Variants in FAM83E observed in about 807,000 individuals in gnomAD.
FAM83E encodes the protein scaffolding CK1 anchoring protein E, also known as protein FAM83E.
FAM83E carries 29 observed loss-of-function variants against 34.3 expected under a neutral mutation model. That is an observed-to-expected ratio of 0.85 (90% confidence interval 0.63 to 1.15). The LOEUF is 1.15. Among genes scored for constraint, FAM83E ranks in the 50% most tolerant of loss-of-function variants. The pLI, the probability that FAM83E is intolerant of heterozygous loss-of-function variation, is 0.00. For missense variants in FAM83E, 697 were observed against 685.0 expected, an observed-to-expected ratio of 1.02 and a Z score of -0.20; for synonymous variants, 312 against 311.6, an observed-to-expected ratio of 1.00 and a Z score of -0.01.
chr19:48,608,100 C>T (rs1973968792), intron 5 of FAM83E, among the ~76,000 whole-genome samples: 2 of 152,064 alleles, frequency 1.3e-5, no homozygotes, highest in Admixed American at 1.3e-4. Flanking sequence ...GGTCCAAAAG[C>T]TGTGTATTGT....
rs772729508 is a variant in FAM83E at position 48,601,234 on chromosome 19, G to A, written c.1312C>T (p.Arg438Cys). The change falls in exon 7 of 7, where the codon CGC becomes TGC. Residue 438 changes from arginine to cysteine, a missense_variant. Arg to Cys is a radical substitution (Grantham distance 180). Coordinates refer to ENST00000263266, the MANE Select transcript of FAM83E (RefSeq NM_017708.4). ...GGALPLPPAH[R>C]LRYLSPARRR... is the part of the protein sequence containing the mutation. ...CGGGCTGGGGACAGATAGCGGAGGC[G>A]GTGGGCGGGGGGCAGGGGCAGGGCA... 1.6e-5 allele frequency: 26 copies of A among 1,606,868 alleles called. No homozygotes were observed. Among genetic ancestry groups the A allele is most frequent in the African/African-American group, 4.0e-5 (3 of 74,788 alleles).
Position 48,606,972 on chromosome 19 carries a change from G to C in FAM83E, c.758+2904C>G, listed in dbSNP as rs577624139. 1.9e-6 allele frequency: 3 copies of C among 1,602,114 alleles called. No individual in the cohort carries two copies. The East Asian group carries it at 6.7e-5, about 36-fold the overall frequency. ...GGCTGGGGCAGGGTCAACGCCGCCA[G>C]GCCGCCATGGTCCTGTGCTGGCTGC... is the stretch of plus-strand genomic sequence containing the variant. On this transcript the variant is annotated intron_variant, in intron 5 of 6. Transcript: ENST00000263266.
rs1361130146 is a variant in FAM83E, at chr19:48,602,702, AAAATATATATATATAT to A, written c.1176+776_1176+791del. 9.6e-4 allele frequency among the ~76,000 whole-genome samples: 41 copies of A among 42,878 alleles called. 6 individuals are homozygous for A. Among genetic ancestry groups the A allele is most frequent in the African/African-American group, 4.7e-3 (36 of 7,676 alleles). 28.1% of individuals were successfully genotyped at this position (42,878 alleles called of 152,430 possible). On this transcript the variant is annotated intron_variant, in intron 6 of 6. Transcript: ENST00000263266. ...ACCCTATCTCAAAAAAAAAAAAAAA[AAAATATATATATATAT>A]ATATATATATATATATATATATATA... is the stretch of plus-strand genomic sequence containing the variant.
chr19:48,605,725 A>G (rs973089416), intron 5 of FAM83E, among the ~76,000 whole-genome samples: 3 of 151,762 alleles, frequency 2.0e-5, no homozygotes, highest in African/African-American at 7.3e-5. Context: ...AAATTTTTGT[A>G]TTTTTAGTAG....
intron 5 of FAM83E, 136 bp from the exon 6 acceptor site, chr19:48,604,047 G>A: frequency 1.2e-6 from 1 of 835,946 alleles, no homozygotes; most frequent in Non-Finnish European, 1.8e-6. Context: ...TTCCCTGTCT[G>A]TAGAATGGGC....
At chr19:48,603,996 C>A in intron 5 of FAM83E, 85 bp from the exon 6 acceptor site, 1 of 1,418,996 alleles carries the variant, frequency 7.0e-7, no homozygotes, top group African/African-American at 1.5e-5. Context: ...CCAGGGGAGA[C>A]CGTAGGACCT....
At chr19:48,606,889 G>C in intron 5 of FAM83E, 1 of 1,478,328 alleles carries the variant, frequency 6.8e-7, no homozygotes, top group African/African-American at 1.4e-5. Flanking sequence ...GTGGGCAAGA[G>C]GAGTCCTCAG....
In FAM83E at chr19:48,613,015, A is replaced by T; in HGVS notation, c.358T>A (p.Ser120Thr). 6.2e-7 allele frequency: 1 copy of T among 1,604,654 alleles called. No individual in the cohort carries two copies. The highest frequency in any genetic ancestry group is 8.5e-7 in the Non-Finnish European group (1 of 1,176,704). Residue 120 changes from serine to threonine, a missense_variant, in exon 3 of 7, where the codon TCT (serine) becomes ACT (threonine). Physicochemically the swap from Ser to Thr is moderately conservative, Grantham distance 58. Transcript: ENST00000263266. ...GCCCGGGTGATGCCTTTCCACGCAG[A>T]GTCCACTGGCCAGCCCAGCCGCAGG... ...PVLRLGWPVD[S>T]AWKGITRAQL...
chr19:48,605,041 A>AC (rs1973902628), intron 5 of FAM83E, among the ~76,000 whole-genome samples: 1 of 148,474 alleles, frequency 6.7e-6, no homozygotes, highest in Non-Finnish European at 1.5e-5. Context: ...AAAAAAAAAA[A>AC]AACTTATCTG....
Position 48,610,684 on chromosome 19 carries a change from G to C in FAM83E, c.629C>G (p.Thr210Arg). 1 of 1,566,374 alleles carries C rather than the reference G, an allele frequency of 6.4e-7. No homozygotes were observed. The highest frequency in any genetic ancestry group is 8.7e-7 in the Non-Finnish European group (1 of 1,155,854). The change falls in exon 4 of 7, where the codon ACG (threonine) becomes AGG (arginine). Residue 210 changes from threonine (T) to arginine (R), a missense_variant. Thr to Arg is a moderately conservative substitution (Grantham distance 71, BLOSUM62 -1). Coordinates refer to ENST00000263266, the MANE Select transcript of FAM83E (RefSeq NM_017708.4). ...AQQLGVNPWN[T>R]ENVDVRVVRG... ...ACCCCCTGGCCCGGCCCCTACCTCC[G>C]TGTTCCAGGGGTTCACCCCCAGCTG...
chr19:48,607,478 C>T (rs1463442875), intron 5 of FAM83E: 2 of 1,304,688 alleles, frequency 1.5e-6, no homozygotes, highest in Admixed American at 2.8e-5. Context: ...GGCTTCATCC[C>T]TTCTAAGGCT....
At chr19:48,611,402 T>A (rs551700044) in intron 3 of FAM83E, among the ~76,000 whole-genome samples, 88 of 151,778 alleles carry the variant, frequency 5.8e-4, no homozygotes, top group Middle Eastern at 3.4e-3. Flanking sequence ...TCTCCTGACC[T>A]CGTGATCCAC....
intron 4 of FAM83E, among the ~76,000 whole-genome samples, 158 bp from the exon 5 acceptor site, chr19:48,610,158 G>A (rs996161159): frequency 6.6e-6 from 1 of 152,148 alleles, no homozygotes; most frequent in African/African-American, 2.4e-5. Context: ...CAGCACTTTG[G>A]GAGGCCGAGG....
chr19:48,600,821 TG>T lies in FAM83E; in HGVS notation c.*287del, dbSNP rs1973797342. The T allele has an allele frequency of 2.8e-6, 1 of 350,926 alleles. No homozygotes were observed. Among genetic ancestry groups the T allele is most frequent in the East Asian group, 6.9e-5 (1 of 14,506 alleles). The allele number at this position is 350,926 out of a possible 1,614,324, so 21.7% of individuals were successfully genotyped here. Reference sequence around the variant, plus strand: ...CGTGCGCCACCACACCCAACTAATTTGTTTTTTTAATTGTAGAGATGGGGTC... The same window carrying T: ...CGTGCGCCACCACACCCAACTAATTTTTTTTTTAATTGTAGAGATGGGGTC... On this transcript the variant is annotated 3_prime_UTR_variant, in exon 7 of 7. Transcript: ENST00000263266.
chr19:48,603,804 C>T lies in FAM83E; in HGVS notation c.866G>A (p.Cys289Tyr). The T allele has an allele frequency of 6.2e-7, 1 of 1,600,536 alleles. No individual in the cohort carries two copies. The highest frequency in any genetic ancestry group is 1.1e-5 in the South Asian group (1 of 89,314). ...LEFRTLYAASCPLPPAPPQKP... is the reference protein window; with the variant it reads ...LEFRTLYAASYPLPPAPPQKP... ...CTGGGGGGGCGCAGGTGGGAGCGGG[C>T]AGGAGGCCGCGTACAGCGTCCGGAA... is the stretch of plus-strand genomic sequence containing the variant. The change falls in exon 6 of 7, where the codon TGC becomes TAC. Residue 289 changes from cysteine (C) to tyrosine (Y), a missense_variant. Coordinates refer to ENST00000263266, the MANE Select transcript of FAM83E (RefSeq NM_017708.4).
intron 5 of FAM83E, among the ~76,000 whole-genome samples, chr19:48,609,033 C>A (rs1174520304): frequency 6.6e-6 from 1 of 152,040 alleles, no homozygotes; most frequent in Non-Finnish European, 1.5e-5. Context: ...TGGGTGCCAC[C>A]CCTGTTGAGG....
At chr19:48,611,778 C>T (rs1342803517) in intron 3 of FAM83E, among the ~76,000 whole-genome samples, 2 of 152,290 alleles carry the variant, frequency 1.3e-5, no homozygotes, top group South Asian at 2.1e-4. Flanking sequence ...CTACAAATCA[C>T]GTTTATAACA....
In FAM83E at chr19:48,609,982, C is replaced by A; in HGVS notation, c.652G>T (p.Val218Leu). 1.9e-6 allele frequency: 3 copies of A among 1,612,482 alleles called. No homozygotes were observed. Among genetic ancestry groups the A allele is most frequent in the Non-Finnish European group, 2.5e-6 (3 of 1,180,002 alleles). The change falls in exon 5 of 7, where the codon GTG becomes TTG. Residue 218 changes from valine (V) to leucine (L), a missense_variant. Coordinates refer to ENST00000263266, the MANE Select transcript of FAM83E (RefSeq NM_017708.4). Reference protein sequence around the residue: ...WNTENVDVRVVRGCSFQSRWR... With the variant: ...WNTENVDVRVLRGCSFQSRWR... ...CGGCTCTGGAAGCTGCAGCCCCGCA[C>A]GACACGGACATCCACGTTCTGTTGG...
In FAM83E at chr19:48,607,012, G is replaced by A; in HGVS notation, c.758+2864C>T. The A allele has an allele frequency of 6.2e-7, 1 of 1,610,068 alleles. No homozygotes were observed. Among genetic ancestry groups the A allele is most frequent in the Non-Finnish European group, 8.5e-7 (1 of 1,179,930 alleles). On this transcript the variant is annotated intron_variant, in intron 5 of 6. Transcript: ENST00000263266. ...GTGCTGGCTGCTGCTTCTGGTGATG[G>A]CTCTGCCCCCAGGCACGACGGGCGT... is the stretch of plus-strand genomic sequence containing the variant.
Sources: gnomAD v4.1 joint callset for allele counts (sites outside exome capture counted in the v4.1 genomes callset) on GRCh38, gnomAD v4.1.1 for gene constraint, MANE v1.5 for transcripts, NCBI Gene and HGNC (gene_info 2026-07-23, HGNC 2026-07-21) for gene names.